The following ADAM22 variants were observed in gnomAD, a reference collection of about 807,000 sequenced individuals.
The protein encoded by ADAM22 is ADAM metallopeptidase domain 22.
In ADAM22, 65 loss-of-function variants were observed where a neutral mutation model predicts 144.6. The observed-to-expected ratio is 0.45, with a 90% CI of 0.37 to 0.55. ADAM22 has a LOEUF of 0.55. Ranked by LOEUF, ADAM22 falls within the 20% of genes least tolerant of loss-of-function variation. The probability of loss-of-function intolerance (pLI) is 0.00; values close to 1 mark genes in which losing one functional copy is unlikely to be tolerated. For missense variants in ADAM22, 974 were observed against 1,184.9 expected, an observed-to-expected ratio of 0.82 and a Z score of 2.61; for synonymous variants, 391 against 412.6, an observed-to-expected ratio of 0.95 and a Z score of 0.63.
At chr7:88,108,511 C>G (rs1825099341) in intron 5 of ADAM22, among the ~76,000 whole-genome samples, 1 of 151,748 alleles carries the variant, frequency 6.6e-6, no homozygotes, top group Admixed American at 6.6e-5. Context: ...GGCAGATCAC[C>G]TGAGGTCAGG....
At chr7:88,143,255 T>G (rs767041414) in intron 15 of ADAM22, 130 bp downstream of exon 15, 11 of 584,900 alleles carry the variant, frequency 1.9e-5, no homozygotes, top group Admixed American at 5.9e-5. Context: ...ATTCTAGATA[T>G]GCTATATATC....
chr7:88,056,665 C>A (rs954425512), intron 3 of ADAM22, among the ~76,000 whole-genome samples: 2 of 152,146 alleles, frequency 1.3e-5, no homozygotes, highest in Non-Finnish European at 2.9e-5. Flanking sequence ...ATGATGTTTT[C>A]TCCTTTTCCA....
chr7:88,143,201 C>G (rs1835312671), intron 15 of ADAM22, 76 bp downstream of exon 15: 1 of 1,055,356 alleles, frequency 9.5e-7, no homozygotes, highest in African/African-American at 1.6e-5. Context: ...ACATTTTCAG[C>G]TATTGAATCT....
chr7:88,075,723 TTTG>T (rs1814234313), intron 4 of ADAM22, 31 bp downstream of exon 4: 2 of 1,531,652 alleles, frequency 1.3e-6, no homozygotes, highest in African/African-American at 2.7e-5. Flanking sequence ...TGTGGGGAAA[TTTG>T]TTGAGAATCT....
At position 88,116,878 on chromosome 7, in the gene ADAM22, A is replaced by G. The variant is rs1827890333; in HGVS notation, c.607+64A>G. The G allele has an allele frequency of 2.5e-6, 3 of 1,207,352 alleles. No individual in the cohort carries two copies. In the South Asian group the frequency reaches 3.9e-5, roughly 16 times the overall value. 74.8% of individuals were successfully genotyped at this position (1,207,352 alleles called of 1,614,324 possible). Reference sequence around the variant, plus strand: ...ACTTCAGTAATTTATTTAATGCCTTAGAACTAATCTATATTTGGAATATCA... The same window carrying G: ...ACTTCAGTAATTTATTTAATGCCTTGGAACTAATCTATATTTGGAATATCA... On this transcript the variant is annotated intron_variant, in intron 7 of 31. Transcript: ENST00000413139.
At chr7:88,003,516 C>A (rs1793069468) in intron 3 of ADAM22, among the ~76,000 whole-genome samples, 1 of 152,002 alleles carries the variant, frequency 6.6e-6, no homozygotes, top group South Asian at 2.1e-4. Flanking sequence ...TTTGATGTAT[C>A]CTGAGAGAAT....
chr7:87,975,280 T>C (rs1851643195), intron 2 of ADAM22, among the ~76,000 whole-genome samples: 1 of 152,202 alleles, frequency 6.6e-6, no homozygotes, highest in Non-Finnish European at 1.5e-5. Flanking sequence ...TTTCTAAACT[T>C]ATTTTTAATT....
intron 3 of ADAM22, among the ~76,000 whole-genome samples, chr7:88,007,992 C>T (rs1794385307): frequency 1.3e-5 from 2 of 152,156 alleles, no homozygotes; most frequent in Non-Finnish European, 1.5e-5. Flanking sequence ...ATTTTTGCAA[C>T]CTACTCATCT....
intron 2 of ADAM22, among the ~76,000 whole-genome samples, chr7:87,973,442 G>A (rs1396329714): frequency 6.6e-6 from 1 of 151,888 alleles, no homozygotes; most frequent in Non-Finnish European, 1.5e-5. Context: ...GAAACAACAG[G>A]TGCTGGAGAG....
chr7:88,008,785 T>C (rs1192038329), intron 3 of ADAM22, among the ~76,000 whole-genome samples: 1 of 151,944 alleles, frequency 6.6e-6, no homozygotes, highest in African/African-American at 2.4e-5. Context: ...TTAGGAGATA[T>C]ACCTAATGCT....
chr7:88,150,865 G>A (rs1838138716), intron 18 of ADAM22, 116 bp from the exon 19 acceptor site: 2 of 843,268 alleles, frequency 2.4e-6, no homozygotes, highest in Admixed American at 2.0e-5. Context: ...TTTATAGATG[G>A]TATAAGGGAC....
At chr7:88,145,023 G>T in intron 15 of ADAM22, 102 bp from the exon 16 acceptor site, 1 of 898,726 alleles carries the variant, frequency 1.1e-6, no homozygotes, top group South Asian at 1.7e-5. Context: ...ATTTTAGAAT[G>T]ACTGGCAGGG....
intron 3 of ADAM22, among the ~76,000 whole-genome samples, chr7:88,021,281 A>G (rs1476535972): frequency 6.6e-6 from 1 of 152,158 alleles, no homozygotes; most frequent in Non-Finnish European, 1.5e-5. Context: ...AAAAGCAACC[A>G]TTTCACCAGA....
chr7:88,153,421 A>T, intron 21 of ADAM22, 95 bp downstream of exon 21: 2 of 983,174 alleles, frequency 2.0e-6, no homozygotes, highest in Non-Finnish European at 3.1e-6. Context: ...TGCATCACAC[A>T]AAGTGTGCTC....
chr7:88,060,777 A>C (rs1039704142), intron 3 of ADAM22, among the ~76,000 whole-genome samples: 9 of 150,686 alleles, frequency 6.0e-5, no homozygotes, highest in Non-Finnish European at 8.9e-5. Context: ...AAAAAAAAAA[A>C]AAAACAAAAA....
chr7:88,040,441 AT>A (rs1802839884), intron 3 of ADAM22, among the ~76,000 whole-genome samples: 1 of 151,870 alleles, frequency 6.6e-6, no homozygotes, highest in Non-Finnish European at 1.5e-5. Flanking sequence ...CAACACATCC[AT>A]TGTTAAACTC....
intron 3 of ADAM22, among the ~76,000 whole-genome samples, chr7:88,041,026 G>A (rs1418453091): frequency 2.0e-5 from 3 of 152,034 alleles, no homozygotes; most frequent in African/African-American, 7.2e-5. Flanking sequence ...TAGCAGGAGA[G>A]CTTTTGCTAT....
chr7:87,967,282 G>A (rs1367101503), intron 2 of ADAM22, among the ~76,000 whole-genome samples: 2 of 152,130 alleles, frequency 1.3e-5, no homozygotes, highest in Non-Finnish European at 2.9e-5. Flanking sequence ...AGCAAGAATG[G>A]AAATTTGACT....
chr7:88,179,209 A>G (rs551321503), intron 27 of ADAM22, 80 bp downstream of exon 27: 17 of 602,200 alleles, frequency 2.8e-5, no homozygotes, highest in South Asian at 2.1e-4. Context: ...TCAAAATGCC[A>G]TATGCTCAGA....
Sources: gnomAD v4.1 joint callset for allele counts (sites outside exome capture counted in the v4.1 genomes callset) on GRCh38, gnomAD v4.1.1 for gene constraint, MANE v1.5 for transcripts, NCBI Gene and HGNC (gene_info 2026-07-23, HGNC 2026-07-21) for gene names.